The following GRK3 variants were observed in gnomAD, a reference collection of about 807,000 sequenced individuals.
The protein encoded by GRK3 is adrenergic, beta, receptor kinase 2.
GRK3 carries 54 observed loss-of-function variants against 95.7 expected under a neutral mutation model. The ratio of observed to expected loss-of-function variants is 0.56; its 90% confidence interval spans 0.45 to 0.71. GRK3 has a LOEUF of 0.71. GRK3 is among the 30% of genes least tolerant of loss of function. GRK3 has a pLI of 0.00. For missense variants in GRK3, 649 were observed against 851.2 expected (o/e 0.76, Z 2.96); for synonymous variants, 281 against 290.8 (o/e 0.97, Z 0.34).
chr22:25,698,927 ATGGT>A lies in GRK3; in HGVS notation c.1160+3717_1160+3720del, dbSNP rs1226048316. 2.0e-5 allele frequency among the ~76,000 whole-genome samples: 3 copies of A among 152,042 alleles called. No homozygotes were observed. The East Asian group carries it at 5.8e-4, about 29-fold the overall frequency. ...GTGTTTTGTTTTTGTTTTTTTATAG[ATGGT>A]TGGATATGGAAGGATAGAAGTTAAA... is the stretch of plus-strand genomic sequence containing the variant. On this transcript the variant is annotated intron_variant, in intron 13 of 20. Transcript: ENST00000324198.
At chr22:25,658,020 A>C (rs2084884587) in intron 3 of GRK3, among the ~76,000 whole-genome samples, 1 of 151,256 alleles carries the variant, frequency 6.6e-6, no homozygotes, top group Non-Finnish European at 1.5e-5. Context: ...TGACATTTTT[A>C]TCTGGTTCTT....
chr22:25,601,819 C>T (rs1324719909), intron 1 of GRK3, among the ~76,000 whole-genome samples: 5 of 152,112 alleles, frequency 3.3e-5, no homozygotes, highest in Non-Finnish European at 7.4e-5. Context: ...GTACTCTACA[C>T]AAAAATTAAC....
At chr22:25,588,747 C>T (rs1299530567) in intron 1 of GRK3, among the ~76,000 whole-genome samples, 1 of 150,288 alleles carries the variant, frequency 6.7e-6, no homozygotes, top group Non-Finnish European at 1.5e-5. Context: ...TAACAATTCT[C>T]ATTTGTGTGC....
At chr22:25,617,511 T>C (rs2084548689) in intron 2 of GRK3, among the ~76,000 whole-genome samples, 1 of 152,248 alleles carries the variant, frequency 6.6e-6, no homozygotes, top group Non-Finnish European at 1.5e-5. Flanking sequence ...GTATTCTTAC[T>C]TTTTAAAACA....
chr22:25,622,237 T>C (rs1366046675), intron 2 of GRK3, among the ~76,000 whole-genome samples: 1 of 152,168 alleles, frequency 6.6e-6, no homozygotes, highest in Non-Finnish European at 1.5e-5. Context: ...AGTGAGTTGG[T>C]AGAACCATGC....
chr22:25,649,740 A>G (rs2084814657), intron 3 of GRK3, among the ~76,000 whole-genome samples: 1 of 152,220 alleles, frequency 6.6e-6, no homozygotes, highest in Non-Finnish European at 1.5e-5. Context: ...TCAATAGGCA[A>G]TCTTAATATA....
intron 2 of GRK3, among the ~76,000 whole-genome samples, chr22:25,644,137 T>G (rs1040216073): frequency 4.7e-5 from 7 of 149,318 alleles, no homozygotes; most frequent in Non-Finnish European, 6.0e-5. Context: ...GTTCTGGTGT[T>G]TTTTTTTTTG....
chr22:25,567,583 TAA>T (rs1316521121), intron 1 of GRK3, among the ~76,000 whole-genome samples: 4 of 152,232 alleles, frequency 2.6e-5, no homozygotes, highest in Non-Finnish European at 1.5e-5. Context: ...TGTTTTCTGA[TAA>T]GTTTCTATTT....
chr22:25,645,914 C>G (rs1415203235), intron 3 of GRK3, among the ~76,000 whole-genome samples: 2 of 149,690 alleles, frequency 1.3e-5, no homozygotes, highest in African/African-American at 5.0e-5. Context: ...GAGCGAGACT[C>G]CATCTCAAAA....
At chr22:25,716,031 G>A (rs180885153) in intron 18 of GRK3, among the ~76,000 whole-genome samples, 1 of 152,180 alleles carries the variant, frequency 6.6e-6, no homozygotes, top group African/African-American at 2.4e-5. Context: ...CTGTCACCCA[G>A]GTTGGAGTGC....
chr22:25,681,124 C>G (rs1010415977), intron 9 of GRK3, among the ~76,000 whole-genome samples: 1 of 152,152 alleles, frequency 6.6e-6, no homozygotes, highest in Non-Finnish European at 1.5e-5. Context: ...AGCAATTCAT[C>G]CAGTCAGTCA....
intron 1 of GRK3, among the ~76,000 whole-genome samples, chr22:25,572,821 G>A (rs921297696): frequency 1.3e-5 from 2 of 152,152 alleles, no homozygotes; most frequent in East Asian, 1.9e-4. Flanking sequence ...TGTGCATAAG[G>A]TGATTCATTA....
chr22:25,699,674 ATTTTCTTTTC>A (rs200739535), intron 13 of GRK3, among the ~76,000 whole-genome samples: 6,118 of 139,514 alleles, frequency 0.044, 119 homozygotes, highest in Non-Finnish European at 0.053. Context: ...GGGTCTTTCT[ATTTTCTTTTC>A]TTTTCTTTTC....
intron 8 of GRK3, among the ~76,000 whole-genome samples, chr22:25,674,751 C>G (rs1377338934): frequency 2.0e-5 from 3 of 152,116 alleles, no homozygotes; most frequent in Non-Finnish European, 4.4e-5. Flanking sequence ...AGATCAAGAC[C>G]ATCCTGGCTA....
At chr22:25,695,452 T>A (rs1288479512) in intron 13 of GRK3, among the ~76,000 whole-genome samples, 2 of 152,208 alleles carry the variant, frequency 1.3e-5, no homozygotes, top group African/African-American at 4.8e-5. Context: ...GAATCAGAAT[T>A]CTTTTAAACC....
chr22:25,661,025 A>G (rs2084905671), intron 3 of GRK3, among the ~76,000 whole-genome samples: 1 of 152,250 alleles, frequency 6.6e-6, no homozygotes, highest in Admixed American at 6.5e-5. Context: ...AGTGCAGCTG[A>G]GGTTCCAACC....
chr22:25,635,443 A>G (rs1163544935), intron 2 of GRK3, among the ~76,000 whole-genome samples: 2 of 152,152 alleles, frequency 1.3e-5, no homozygotes, highest in African/African-American at 4.8e-5. Context: ...CAAAGTCCAT[A>G]TTCATATTTC....
chr22:25,667,679 T>C, intron 5 of GRK3, 60 bp from the exon 6 acceptor site: 1 of 1,224,332 alleles, frequency 8.2e-7, no homozygotes, highest in East Asian at 2.3e-5. Flanking sequence ...CTCATTGGTT[T>C]GTGTTTTTTT....
intron 1 of GRK3, among the ~76,000 whole-genome samples, chr22:25,573,678 C>T (rs1289595088): frequency 6.6e-6 from 1 of 152,080 alleles, no homozygotes; most frequent in Admixed American, 6.5e-5. Context: ...GCAGGTGAAT[C>T]ACCTGAGGTC....
Sources: gnomAD v4.1 joint callset for allele counts (sites outside exome capture counted in the v4.1 genomes callset) on GRCh38, gnomAD v4.1.1 for gene constraint, MANE v1.5 for transcripts, NCBI Gene and HGNC (gene_info 2026-07-23, HGNC 2026-07-21) for gene names.